Variants in RELN observed in about 807,000 individuals in gnomAD.
RELN encodes reelin.
Under a neutral mutation model 427.6 loss-of-function variants are expected in RELN, and 108 were observed. The ratio of observed to expected loss-of-function variants is 0.25; its 90% confidence interval spans 0.22 to 0.30. The LOEUF (loss-of-function observed/expected upper bound fraction) is 0.30, where lower values mean the gene tolerates loss of function less well. Among genes scored for constraint, RELN ranks in the 10% least tolerant of loss-of-function variants. The pLI is 1.00. For synonymous variants in RELN, 1,524 were observed against 1,513.4 expected, an observed-to-expected ratio of 1.01 and a Z score of -0.16; for missense variants, 3,715 against 4,302.8, an observed-to-expected ratio of 0.86 and a Z score of 3.82.
At position 103,653,969 on chromosome 7, in the gene RELN, C is replaced by T. The variant is rs61299911; in HGVS notation, c.1554+124G>A. The T allele has an allele frequency of 1.0e-3, 702 of 701,056 alleles. 2 individuals are homozygous for T. The African/African-American group carries it at 0.011, about 11-fold the overall frequency. 43.4% of individuals were successfully genotyped at this position (701,056 alleles called of 1,614,324 possible). A position where few individuals can be genotyped will look rare whatever the true frequency, so the allele number is the denominator to read the frequency against. ...CTATTTCACTTTTAAAGAAACCTGG[C>T]GACCTCTGGCCTGTCAGAACAGGGA... On this transcript the variant is annotated intron_variant, in intron 13 of 64. Transcript: ENST00000428762.
intron 46 of RELN, among the ~76,000 whole-genome samples, chr7:103,526,159 G>A (rs1829818429): frequency 1.3e-5 from 2 of 152,220 alleles, no homozygotes; most frequent in South Asian, 4.1e-4. Flanking sequence ...TGCTTTCTGA[G>A]CATTGGCTGT....
intron 3 of RELN, among the ~76,000 whole-genome samples, chr7:103,777,470 T>C (rs564781834): frequency 6.6e-5 from 10 of 152,314 alleles, no homozygotes; most frequent in Admixed American, 5.9e-4. Context: ...AATCTTAACT[T>C]TAGTTTTAGC....
At chr7:103,802,101 G>A (rs1792482563) in intron 3 of RELN, among the ~76,000 whole-genome samples, 1 of 152,034 alleles carries the variant, frequency 6.6e-6, no homozygotes, top group South Asian at 2.1e-4. Flanking sequence ...GTTTCCTCTT[G>A]GTCAGAAGGT....
intron 6 of RELN, among the ~76,000 whole-genome samples, chr7:103,740,444 C>T (rs1790612840): frequency 6.6e-6 from 1 of 152,160 alleles, no homozygotes; most frequent in Non-Finnish European, 1.5e-5. Context: ...ATTTTAACCA[C>T]ATAAATTTTT....
At chr7:103,673,766 T>C (rs1833447216) in intron 11 of RELN, among the ~76,000 whole-genome samples, 1 of 152,166 alleles carries the variant, frequency 6.6e-6, no homozygotes, top group African/African-American at 2.4e-5. Context: ...AAATGCTTAA[T>C]GCTACCAAGG....
chr7:103,773,229 C>T (rs1171500227), intron 4 of RELN, among the ~76,000 whole-genome samples: 14 of 112,816 alleles, frequency 1.2e-4, no homozygotes, highest in East Asian at 2.4e-4. Context: ...CTCCCTCCCT[C>T]GCTCCCTCCC....
intron 24 of RELN, among the ~76,000 whole-genome samples, chr7:103,597,019 T>C (rs907086430): frequency 6.6e-6 from 1 of 152,202 alleles, no homozygotes; most frequent in Admixed American, 6.5e-5. Flanking sequence ...TGAAAGACCA[T>C]CTATTTGAAA....
At chr7:103,510,404 A>T (rs1447869826) in intron 51 of RELN, among the ~76,000 whole-genome samples, 10 of 152,142 alleles carry the variant, frequency 6.6e-5, no homozygotes, top group Admixed American at 6.6e-4. Context: ...ACCAAACACC[A>T]CATGTTCTCA....
At chr7:103,843,934 T>C (rs1409948198) in intron 2 of RELN, among the ~76,000 whole-genome samples, 1 of 152,200 alleles carries the variant, frequency 6.6e-6, no homozygotes, top group Non-Finnish European at 1.5e-5. Flanking sequence ...AACAGCTGCA[T>C]GGTGGTAGAT....
chr7:103,895,288 T>G (rs945136554), intron 2 of RELN, among the ~76,000 whole-genome samples: 5 of 152,044 alleles, frequency 3.3e-5, no homozygotes, highest in Admixed American at 3.3e-4. Context: ...GGTTGTTGAC[T>G]TGTAACAGGA....
intron 20 of RELN, among the ~76,000 whole-genome samples, chr7:103,614,136 GTAAAA>G (rs762839216): frequency 2.0e-5 from 3 of 152,096 alleles, no homozygotes; most frequent in Non-Finnish European, 4.4e-5. Flanking sequence ...TAAAAATTAC[GTAAAA>G]TAATAGATTA....
Position 103,486,276 on chromosome 7 carries a change from C to T in RELN, c.9904G>A (p.Ala3302Thr), listed in dbSNP as rs776769644. ...GSGCGQLAPYAHGDSLYFNGC... is the reference protein window; with the variant it reads ...GSGCGQLAPYTHGDSLYFNGC... ...TTAAAGTACAGTGAGTCTCCATGGG[C>T]GTAGGGGGCCAGCTGCCCACAGCCA... The change falls in exon 61 of 65, where the codon GCC becomes ACC. Residue 3302 changes from alanine (A) to threonine (T), a missense_variant. Physicochemically the swap from Ala to Thr is moderately conservative, Grantham distance 58. This residue lies in a region of RELN where 195 missense variants were observed against 281.3 expected (regional missense o/e 0.69). Transcript: ENST00000428762. The T allele has an allele frequency of 1.2e-5, 20 of 1,614,148 alleles. No homozygotes were observed. Among genetic ancestry groups the T allele is most frequent in the South Asian group, 3.3e-5 (3 of 91,086 alleles).
rs967792614 is a variant in RELN at position 103,640,176 on chromosome 7, C to T, written c.2069+367G>A. Among the ~76,000 whole-genome samples, 4 of 152,120 alleles carry T rather than the reference C, an allele frequency of 2.6e-5. No homozygotes were observed. Among genetic ancestry groups the T allele is most frequent in the African/African-American group, 9.7e-5 (4 of 41,434 alleles). ...TTAGCATTGGATCTATGGGTCATTACTGATTTTTACAATCATTTACAAAGC... is the reference window on the plus strand; with the variant it reads ...TTAGCATTGGATCTATGGGTCATTATTGATTTTTACAATCATTTACAAAGC... On this transcript the variant is annotated intron_variant, in intron 17 of 64. Transcript: ENST00000428762. This position sits in a 1 kb window ranked among gnomAD's most constrained non-coding sequence, Gnocchi z 4.1.
At chr7:103,652,926 T>C (rs1211425296) in intron 13 of RELN, among the ~76,000 whole-genome samples, 167 bp from the exon 14 acceptor site, 1 of 152,070 alleles carries the variant, frequency 6.6e-6, no homozygotes, top group East Asian at 1.9e-4. Context: ...GATGCTATCC[T>C]CAAGGAGCAT....
Position 103,565,463 on chromosome 7 carries a change from G to A in RELN, c.5025C>T (p.Pro1675=), listed in dbSNP as rs748927848. 82 of 1,613,826 alleles carry A rather than the reference G, an allele frequency of 5.1e-5. 1 individual carries two copies. In the East Asian group the frequency reaches 6.0e-4, roughly 12 times the overall value. The part of the protein sequence containing the change: ...QFEMSMGCSK[P]FSNSHSVQLQ... Reference sequence around the variant, plus strand: ...GCTGTACACTGTGGGAGTTGCTGAAGGGCTTGCTACAGCCCATGCTCATTT... The same window carrying A: ...GCTGTACACTGTGGGAGTTGCTGAAAGGCTTGCTACAGCCCATGCTCATTT... The change falls in exon 34 of 65, where the codon CCC becomes CCT. Residue 1675 remains proline (P), a synonymous_variant. Coordinates refer to ENST00000428762, the MANE Select transcript of RELN (RefSeq NM_005045.4).
intron 4 of RELN, among the ~76,000 whole-genome samples, chr7:103,776,267 A>G (rs1791740015): frequency 1.3e-5 from 2 of 152,362 alleles, no homozygotes; most frequent in Middle Eastern, 6.8e-3. Context: ...CACAGTTTGT[A>G]GAATTTAAAA....
chr7:103,832,901 A>T (rs139242962), intron 3 of RELN, among the ~76,000 whole-genome samples: 2,846 of 152,280 alleles, frequency 0.019, 41 homozygotes, highest in Middle Eastern at 0.061. Flanking sequence ...AAGGCCTTAT[A>T]GCATTTTGTA....
Position 103,495,860 on chromosome 7 carries a change from T to A in RELN, c.9232A>T (p.Asn3078Tyr). Residue 3078 changes from asparagine (N) to tyrosine (Y), a missense_variant, in exon 57 of 65, where the codon AAT (asparagine) becomes TAT (tyrosine). Asn to Tyr is a moderately radical substitution (Grantham distance 143). Coordinates refer to ENST00000428762, the MANE Select transcript of RELN (RefSeq NM_005045.4). ...SHEENWSFYP[N>Y]AVRTAGFCGN... Reference sequence around the variant, plus strand: ...CAAAATCCTGCTGTCCTTACAGCATTAGGGTAAAAACTCCAGTTTTCTTCA... The same window carrying A: ...CAAAATCCTGCTGTCCTTACAGCATAAGGGTAAAAACTCCAGTTTTCTTCA... The A allele has an allele frequency of 6.2e-7, 1 of 1,614,118 alleles. No homozygotes were observed. The highest frequency in any genetic ancestry group is 8.5e-7 in the Non-Finnish European group (1 of 1,179,988).
At chr7:103,955,940 T>G (rs1170414288) in intron 1 of RELN, among the ~76,000 whole-genome samples, 4 of 152,212 alleles carry the variant, frequency 2.6e-5, no homozygotes, top group Non-Finnish European at 5.9e-5. Flanking sequence ...GGGATAGCCT[T>G]GTGGGCCACT....
Sources: gnomAD v4.1 joint callset for allele counts (sites outside exome capture counted in the v4.1 genomes callset) on GRCh38, gnomAD v4.1.1 for gene constraint, gnomAD v4.1.1 regional missense constraint, Gnocchi (gnomAD v3.1) non-coding constraint, MANE v1.5 for transcripts, NCBI Gene and HGNC (gene_info 2026-07-23, HGNC 2026-07-21) for gene names.